The following DMD variants were observed in gnomAD, a reference collection of about 807,000 sequenced individuals.
DMD encodes mutant dystrophin.
A neutral mutation model predicts 330.1 loss-of-function variants in DMD; 63 were observed. That is an observed-to-expected ratio of 0.19 (90% CI 0.16 to 0.24). DMD has a LOEUF of 0.24. DMD is among the 10% of genes least tolerant of loss of function. DMD has a pLI of 1.00. For missense variants in DMD, 3,344 were observed against 2,684.1 expected (o/e 1.25, Z -5.43); for synonymous variants, 1,223 against 959.8 (o/e 1.27, Z -5.07).
At chrX:33,125,093 C>A (rs140118268) in intron 1 of DMD, among the ~76,000 whole-genome samples, 1,847 of 98,357 alleles carry the variant, frequency 0.019, 48 homozygotes, top group African/African-American at 0.064. Flanking sequence ...TGTCATAAAT[C>A]TTATCTATGT....
At chrX:31,961,074 T>A (rs886160027) in intron 45 of DMD, among the ~76,000 whole-genome samples, 5 of 112,330 alleles carry the variant, frequency 4.5e-5, no homozygotes, top group Non-Finnish European at 9.4e-5. Context: ...GAGAGTAGGA[T>A]AAACAAATGT....
At chrX:32,252,691 T>TAA (rs1319425755) in intron 43 of DMD, among the ~76,000 whole-genome samples, 3 of 52,278 alleles carry the variant, frequency 5.7e-5, no homozygotes, top group Non-Finnish European at 9.8e-5. Flanking sequence ...TATAAATATA[T>TAA]ATATAAATAT....
chrX:33,166,764 C>CATAT (rs1185060987), intron 1 of DMD, among the ~76,000 whole-genome samples: 1 of 108,075 alleles, frequency 9.3e-6, no homozygotes, highest in East Asian at 2.9e-4. Context: ...TACATACATA[C>CATAT]ATATATATAT....
At chrX:32,310,837 G>C (rs1355479376) in intron 41 of DMD, among the ~76,000 whole-genome samples, 1 of 110,790 alleles carries the variant, frequency 9.0e-6, no homozygotes, top group Non-Finnish European at 1.9e-5. Context: ...TTTGTTGCTA[G>C]TCTCTTGCTA....
chrX:33,008,827 C>T lies in DMD; in HGVS notation c.93+11312G>A, dbSNP rs1388025956. Among the ~76,000 whole-genome samples, 5 of 41,066 alleles carry T rather than the reference C, an allele frequency of 1.2e-4. 1 individual carries two copies. Among genetic ancestry groups the T allele is most frequent in the Admixed American group, 6.6e-4 (3 of 4,580 alleles). The allele number at this position is 41,066 out of a possible 115,157, so 35.7% of individuals were successfully genotyped here. ...ACGTATATATACACATAAATGTATA[C>T]GTATATATATACACATATATGTATA... is the stretch of plus-strand genomic sequence containing the variant. On this transcript the variant is annotated intron_variant, in intron 2 of 78. Coordinates refer to ENST00000357033, the MANE Select transcript of DMD (RefSeq NM_004006.3).
intron 2 of DMD, among the ~76,000 whole-genome samples, chrX:32,858,751 C>T (rs923563352): frequency 9.0e-6 from 1 of 110,935 alleles, no homozygotes; most frequent in African/African-American, 3.3e-5. Context: ...ATAGACCTTT[C>T]GGTGCTCAGT....
chrX:32,961,859 G>A (rs1013291572), intron 2 of DMD, among the ~76,000 whole-genome samples: 2 of 111,492 alleles, frequency 1.8e-5, no homozygotes, highest in African/African-American at 6.5e-5. Flanking sequence ...TCCCAGTTTT[G>A]CACATATTAT....
At chrX:32,959,592 T>G (rs2091791636) in intron 2 of DMD, among the ~76,000 whole-genome samples, 1 of 111,409 alleles carries the variant, frequency 9.0e-6, no homozygotes, top group African/African-American at 3.3e-5. Context: ...CCCTCTTGAC[T>G]TGACATCACT....
At chrX:33,016,259 TACTG>T (rs1047803068) in intron 2 of DMD, among the ~76,000 whole-genome samples, 19 of 111,403 alleles carry the variant, frequency 1.7e-4, no homozygotes, top group African/African-American at 5.5e-4. Flanking sequence ...AAAGTAAATT[TACTG>T]AGGCTCCAGA....
At chrX:32,246,292 C>A (rs1356538114) in intron 43 of DMD, among the ~76,000 whole-genome samples, 3 of 100,834 alleles carry the variant, frequency 3.0e-5, no homozygotes, top group Admixed American at 1.1e-4. Flanking sequence ...TTGAACCAGC[C>A]TTGCATCCCA....
chrX:31,890,456 C>T (rs1275759029), intron 47 of DMD, among the ~76,000 whole-genome samples: 1 of 110,540 alleles, frequency 9.0e-6, no homozygotes, highest in African/African-American at 3.3e-5. Context: ...AACTTAAATA[C>T]AATTTAAATA....
chrX:33,127,677 G>T (rs2095473302), intron 1 of DMD, among the ~76,000 whole-genome samples: 2 of 89,475 alleles, frequency 2.2e-5, no homozygotes, highest in South Asian at 1.3e-3. Context: ...ATATATATGT[G>T]AAACACAGGT....
At chrX:33,013,185 T>C (rs1423036308) in intron 2 of DMD, among the ~76,000 whole-genome samples, 3 of 110,901 alleles carry the variant, frequency 2.7e-5, no homozygotes, top group Non-Finnish European at 5.7e-5. Context: ...CCTAGCTTCA[T>C]CTCTCCTATT....
chrX:32,217,030 A>T lies in DMD; in HGVS notation c.6324T>A (p.Arg2108=), dbSNP rs1557218230. 3.3e-6 allele frequency: 4 copies of T among 1,209,642 alleles called. No homozygotes were observed. Among genetic ancestry groups the T allele is most frequent in the South Asian group, 3.5e-5 (2 of 56,883 alleles). Residue 2108 remains arginine (R), a synonymous_variant, in exon 44 of 79, where the codon CGT becomes CGA. Transcript: ENST00000357033. Reference sequence around the variant, plus strand: ...TAAATATCTTTATATCATAATGAAAACGCCGCCATTTCTCAACAGATCTGT... The same window carrying T: ...TAAATATCTTTATATCATAATGAAATCGCCGCCATTTCTCAACAGATCTGT... ...RFDRSVEKWR[R]FHYDIKIFNQ...
At chrX:32,795,985 C>A (rs1340198863) in intron 7 of DMD, among the ~76,000 whole-genome samples, 1 of 111,383 alleles carries the variant, frequency 9.0e-6, no homozygotes, top group Non-Finnish European at 1.9e-5. Flanking sequence ...GAAAAGGGAA[C>A]TCTTAATACA....
At chrX:32,627,446 A>G (rs1383672992) in intron 11 of DMD, among the ~76,000 whole-genome samples, 2 of 99,029 alleles carry the variant, frequency 2.0e-5, no homozygotes, top group Non-Finnish European at 3.8e-5. Flanking sequence ...GCTTTTAAAT[A>G]TAATTTTTAA....
At chrX:31,741,161 C>T (rs887891084) in intron 51 of DMD, among the ~76,000 whole-genome samples, 14 of 111,827 alleles carry the variant, frequency 1.3e-4, no homozygotes, top group Admixed American at 1.9e-4. Flanking sequence ...GCTATTTCTA[C>T]CACATCTGCA....
rs755510787 is a variant in DMD, at chrX:32,223,548, T to C, written c.6291-6485A>G. Among the ~76,000 whole-genome samples the C allele has an allele frequency of 6.3e-5, 7 of 111,861 alleles. No individual in the cohort carries two copies. The East Asian group carries it at 2.0e-3, about 31-fold the overall frequency. ...TGGAATATGAACATATGCATTTCTGTAGAGTGTATATATAGAAGTGAAATT... is the reference window on the plus strand; with the variant it reads ...TGGAATATGAACATATGCATTTCTGCAGAGTGTATATATAGAAGTGAAATT... On this transcript the variant is annotated intron_variant, in intron 43 of 78. Coordinates refer to ENST00000357033, the MANE Select transcript of DMD (RefSeq NM_004006.3).
intron 60 of DMD, among the ~76,000 whole-genome samples, chrX:31,357,638 G>A (rs752685635): frequency 4.5e-5 from 5 of 110,886 alleles, no homozygotes; most frequent in African/African-American, 6.6e-5. Flanking sequence ...CTTAAATCCC[G>A]TACCATCCTT....
Sources: gnomAD v4.1 joint callset for allele counts (sites outside exome capture counted in the v4.1 genomes callset) on GRCh38, gnomAD v4.1.1 for gene constraint, MANE v1.5 for transcripts, NCBI Gene and HGNC (gene_info 2026-07-23, HGNC 2026-07-21) for gene names.